The following RYR3 variants were observed in gnomAD, a reference collection of about 807,000 sequenced individuals.
RYR3 encodes the protein brain ryanodine receptor-calcium release channel.
RYR3 carries 207 observed loss-of-function variants against 584.3 expected under a neutral mutation model. The observed-to-expected ratio is 0.35, with a 90% CI of 0.32 to 0.40. The LOEUF (loss-of-function observed/expected upper bound fraction) is 0.40, where lower values mean the gene tolerates loss of function less well. RYR3 is among the 10% of genes least tolerant of loss of function. The pLI is 1.00. For synonymous variants in RYR3, 2,416 were observed against 2,248.5 expected (o/e 1.07, Z -2.11); for missense variants, 5,616 against 6,089.2 (o/e 0.92, Z 2.59).
At chr15:33,554,818 C>T (rs552905869) in intron 10 of RYR3, among the ~76,000 whole-genome samples, 3 of 152,268 alleles carry the variant, frequency 2.0e-5, no homozygotes, top group South Asian at 2.1e-4. Flanking sequence ...TACTCCTGCA[C>T]GGCAGTATTG....
intron 2 of RYR3, among the ~76,000 whole-genome samples, chr15:33,483,887 C>T (rs368070152): frequency 1.0e-3 from 155 of 152,262 alleles, no homozygotes; most frequent in Middle Eastern, 3.4e-3. Flanking sequence ...TTTTTCTTGA[C>T]ATCTATTCCC....
chr15:33,800,682 T>C (rs1486966280), intron 67 of RYR3, 88 bp from the exon 68 acceptor site: 6 of 876,544 alleles, frequency 6.8e-6, no homozygotes, highest in Admixed American at 1.9e-5. Flanking sequence ...GATAAATGTA[T>C]GTCTCCAGTG....
At chr15:33,662,063 C>A in intron 34 of RYR3, 90 bp from the exon 35 acceptor site, 2 of 1,111,024 alleles carry the variant, frequency 1.8e-6, no homozygotes, top group Non-Finnish European at 1.3e-6. Context: ...AACCTTCCAC[C>A]CACCCTGCCT....
At chr15:33,756,537 C>T (rs1309461289) in intron 59 of RYR3, among the ~76,000 whole-genome samples, 164 bp downstream of exon 59, 1 of 148,684 alleles carries the variant, frequency 6.7e-6, no homozygotes, top group Non-Finnish European at 1.5e-5. Flanking sequence ...GCTGGCAGTC[C>T]AAGGAGGGAT....
intron 1 of RYR3, among the ~76,000 whole-genome samples, chr15:33,353,398 A>G (rs1424744063): frequency 6.6e-6 from 1 of 152,208 alleles, no homozygotes; most frequent in East Asian, 1.9e-4. Context: ...TGATCACAAT[A>G]GGCAAAGCTA....
intron 2 of RYR3, among the ~76,000 whole-genome samples, chr15:33,484,972 G>A (rs1223078016): frequency 6.6e-6 from 1 of 152,162 alleles, no homozygotes; most frequent in Non-Finnish European, 1.5e-5. Flanking sequence ...CACACTATGA[G>A]AGTGAATACA....
intron 1 of RYR3, among the ~76,000 whole-genome samples, chr15:33,440,789 A>G (rs954968483): frequency 6.6e-6 from 1 of 152,220 alleles, no homozygotes. Context: ...AGCTTGATAT[A>G]TGTGGTCCAG....
At chr15:33,674,178 T>A (rs1157739072) in intron 38 of RYR3, among the ~76,000 whole-genome samples, 1 of 152,254 alleles carries the variant, frequency 6.6e-6, no homozygotes, top group Admixed American at 6.5e-5. Flanking sequence ...TGCTGTAGCA[T>A]GTTTAGTGCT....
intron 101 of RYR3, 114 bp downstream of exon 101, chr15:33,860,773 A>G: frequency 1.2e-6 from 1 of 858,982 alleles, no homozygotes; most frequent in Non-Finnish European, 1.8e-6. Context: ...GCAAGAACGC[A>G]GTTTGTTTTC....
intron 1 of RYR3, among the ~76,000 whole-genome samples, chr15:33,321,688 G>A (rs28582692): frequency 0.44 from 66,586 of 151,928 alleles, 14,788 homozygotes; most frequent in Middle Eastern, 0.56. Flanking sequence ...CTTAATAGAC[G>A]GGAAATTTAA....
chr15:33,833,002 C>G (rs79261719), intron 86 of RYR3, among the ~76,000 whole-genome samples: 1 of 112,636 alleles, frequency 8.9e-6, no homozygotes, highest in Admixed American at 8.8e-5. Context: ...AACTCTGTCT[C>G]AAAAAAAAAA....
chr15:33,836,227 A>T (rs1281977410), intron 87 of RYR3, among the ~76,000 whole-genome samples: 1 of 140,098 alleles, frequency 7.1e-6, no homozygotes, highest in Non-Finnish European at 1.5e-5. Context: ...AAGGTATGTG[A>T]CTCGGAATAC....
At chr15:33,601,667 G>A (rs2059668143) in intron 17 of RYR3, 115 bp downstream of exon 17, 1 of 1,101,830 alleles carries the variant, frequency 9.1e-7, no homozygotes, top group Non-Finnish European at 1.3e-6. Context: ...TTTCCATGGT[G>A]ATACAAGTAC....
intron 3 of RYR3, among the ~76,000 whole-genome samples, chr15:33,515,908 A>G (rs990844754): frequency 6.6e-6 from 1 of 152,218 alleles, no homozygotes; most frequent in African/African-American, 2.4e-5. Context: ...GTGTGTGCAT[A>G]ATAGATACCA....
chr15:33,701,856 G>A lies in RYR3; in HGVS notation c.6483+776G>A, dbSNP rs138030859. Reference sequence around the variant, plus strand: ...GCATGCCAGGGATGTTTGCATGTCCGAGAGGAGAGTATGGCGTGCTGGGGA... The same window carrying A: ...GCATGCCAGGGATGTTTGCATGTCCAAGAGGAGAGTATGGCGTGCTGGGGA... On this transcript the variant is annotated intron_variant, in intron 42 of 103. Coordinates refer to ENST00000634891, the MANE Select transcript of RYR3 (RefSeq NM_001036.6). Among the ~76,000 whole-genome samples the A allele has an allele frequency of 3.7e-4, 56 of 152,264 alleles. No homozygotes were observed. In the East Asian group the frequency reaches 7.7e-3, roughly 21 times the overall value.
chr15:33,799,788 TG>T (rs1015209307), intron 67 of RYR3, among the ~76,000 whole-genome samples: 77 of 152,174 alleles, frequency 5.1e-4, no homozygotes, highest in African/African-American at 1.8e-3. Context: ...CCTTAACCTG[TG>T]GGGACTGCAC....
intron 1 of RYR3, among the ~76,000 whole-genome samples, chr15:33,437,385 T>C (rs2045830220): frequency 1.3e-5 from 2 of 152,222 alleles, no homozygotes; most frequent in East Asian, 1.9e-4. Context: ...TTTATATTTG[T>C]GTTCAAGTCA....
intron 12 of RYR3, among the ~76,000 whole-genome samples, chr15:33,578,542 G>A (rs2058417960): frequency 6.6e-6 from 1 of 152,110 alleles, no homozygotes; most frequent in Non-Finnish European, 1.5e-5. Flanking sequence ...TCAGTTATAA[G>A]TGGGACCTGA....
chr15:33,792,038 A>C (rs2075192616), intron 67 of RYR3, among the ~76,000 whole-genome samples: 3 of 152,198 alleles, frequency 2.0e-5, no homozygotes, highest in Non-Finnish European at 4.4e-5. Context: ...CCCTTAGAGA[A>C]GAAATCAACA....
Sources: gnomAD v4.1 joint callset for allele counts (sites outside exome capture counted in the v4.1 genomes callset) on GRCh38, gnomAD v4.1.1 for gene constraint, MANE v1.5 for transcripts, NCBI Gene and HGNC (gene_info 2026-07-23, HGNC 2026-07-21) for gene names.